Variants in PRELP observed in about 807,000 individuals in gnomAD.
PRELP encodes proline and arginine rich end leucine rich repeat protein.
Under a neutral mutation model 22.8 loss-of-function variants are expected in PRELP, and 16 were observed. That is an observed-to-expected ratio of 0.70 (90% CI 0.47 to 1.06). The LOEUF is 1.06. PRELP is among the 50% of genes least tolerant of loss of function. The probability of loss-of-function intolerance (pLI) is 0.00; values close to 1 mark genes in which losing one functional copy is unlikely to be tolerated. For synonymous variants in PRELP, 233 were observed against 211.4 expected (o/e 1.10, Z -0.89); for missense variants, 434 against 485.2 (o/e 0.89, Z 0.99).
chr1:203,482,886 G>A (rs776104180), intron 1 of PRELP, among the ~76,000 whole-genome samples: 12 of 151,984 alleles, frequency 7.9e-5, no homozygotes, highest in South Asian at 2.1e-4. Context: ...GTGAGCCACC[G>A]CACCTGGCCA....
At chr1:203,482,282 C>CTTT (rs60629021) in intron 1 of PRELP, among the ~76,000 whole-genome samples, 1 of 145,684 alleles carries the variant, frequency 6.9e-6, no homozygotes, top group African/African-American at 2.5e-5. Context: ...TTCTTTCTTT[C>CTTT]TTTTTTTTTT....
chr1:203,476,911 A>C (rs1295858184), intron 1 of PRELP, among the ~76,000 whole-genome samples: 1 of 149,984 alleles, frequency 6.7e-6, no homozygotes, highest in Non-Finnish European at 1.5e-5. Flanking sequence ...CCAACCATTT[A>C]GGTTGGCAAA....
chr1:203,491,196 C>T lies in PRELP; in HGVS notation c.*4315C>T, dbSNP rs1040407129. 2.0e-5 allele frequency: 3 copies of T among 152,150 alleles called. No homozygotes were observed. Among genetic ancestry groups the T allele is most frequent in the African/African-American group, 7.2e-5 (3 of 41,416 alleles). 9.4% of individuals were successfully genotyped at this position (152,150 alleles called of 1,614,324 possible). ...CCCACTGAACACCTTGCAACCCCCA[C>T]CCCTGGCCACCAGAGAACAACCCCC... On this transcript the variant is annotated 3_prime_UTR_variant, in exon 3 of 3. Coordinates refer to ENST00000343110, the MANE Select transcript of PRELP (RefSeq NM_002725.4). This position sits in a 1 kb window ranked among gnomAD's most constrained non-coding sequence, Gnocchi z 4.4.
chr1:203,477,425 T>G (rs1020650621), intron 1 of PRELP, among the ~76,000 whole-genome samples: 1 of 152,136 alleles, frequency 6.6e-6, no homozygotes. Context: ...CTCTCCTCCT[T>G]GCAAGCACAA....
rs1661163789 is a variant in PRELP, at chr1:203,490,014, G to A, written c.*3133G>A. ...ATCTTGCCACCCACCCCCTACCATTGAGCCACCATGCCCAGCCCCAAAGCC... is the reference window on the plus strand; with the variant it reads ...ATCTTGCCACCCACCCCCTACCATTAAGCCACCATGCCCAGCCCCAAAGCC... On this transcript the variant is annotated 3_prime_UTR_variant, in exon 3 of 3. Transcript: ENST00000343110. The A allele has an allele frequency of 1.3e-5, 2 of 151,866 alleles. No individual in the cohort carries two copies. The highest frequency in any genetic ancestry group is 4.8e-5 in the African/African-American group (2 of 41,338). 9.4% of individuals were successfully genotyped at this position (151,866 alleles called of 1,614,324 possible). A position where few individuals can be genotyped will look rare whatever the true frequency, so the allele number is the denominator to read the frequency against.
In PRELP at chr1:203,483,483, T is replaced by C. The variant is rs749200185; in HGVS notation, c.299T>C (p.Ile100Thr). 5.0e-6 allele frequency: 8 copies of C among 1,614,030 alleles called. No homozygotes were observed. The Admixed American group carries it at 1.3e-4, about 27-fold the overall frequency. ...DSRNLRKVPV[I>T]PPRIHYLYLQ... ...CGCAACCTGCGAAAGGTCCCTGTCA[T>C]CCCGCCCCGCATCCATTACCTCTAT... Residue 100 changes from isoleucine to threonine, a missense_variant, in exon 2 of 3, where the codon ATC becomes ACC. Physicochemically the swap from Ile to Thr is moderately conservative, Grantham distance 89. Transcript: ENST00000343110. This position sits in a 1 kb window ranked among gnomAD's most constrained non-coding sequence, Gnocchi z 4.4.
intron 2 of PRELP, 29 bp downstream of exon 2, chr1:203,484,186 A>C: frequency 6.3e-7 from 1 of 1,594,586 alleles, no homozygotes; most frequent in Non-Finnish European, 8.6e-7. Flanking sequence ...GGCGGGGCCG[A>C]AGGCAAGGAG....
In PRELP at chr1:203,489,479, T is replaced by C. The variant is rs1366779400; in HGVS notation, c.*2598T>C. The C allele has an allele frequency of 6.6e-6, 1 of 152,280 alleles. No individual in the cohort carries two copies. Among genetic ancestry groups the C allele is most frequent in the Non-Finnish European group, 1.5e-5 (1 of 68,050 alleles). The allele number at this position is 152,280 out of a possible 1,614,324, so 9.4% of individuals were successfully genotyped here. A position where few individuals can be genotyped will look rare whatever the true frequency, so the allele number is the denominator to read the frequency against. Reference sequence around the variant, plus strand: ...CCTCCATGCTGTCGTCATCGACATATACAGGTGTGTACGTAGGTGTATGTG... The same window carrying C: ...CCTCCATGCTGTCGTCATCGACATACACAGGTGTGTACGTAGGTGTATGTG... On this transcript the variant is annotated 3_prime_UTR_variant, in exon 3 of 3. Coordinates refer to ENST00000343110, the MANE Select transcript of PRELP (RefSeq NM_002725.4).
chr1:203,483,523 C>T lies in PRELP; in HGVS notation c.339C>T (p.Phe113=). 2 of 1,614,252 alleles carry T rather than the reference C, an allele frequency of 1.2e-6. No individual in the cohort carries two copies. Among genetic ancestry groups the T allele is most frequent in the Non-Finnish European group, 8.5e-7 (1 of 1,180,040 alleles). Residue 113 remains phenylalanine, a synonymous_variant, in exon 2 of 3, where the codon TTC becomes TTT. Transcript: ENST00000343110. The surrounding 1 kb of genome is among the most constrained non-coding windows in gnomAD (Gnocchi z 4.4). ...RIHYLYLQNN[F]ITELPVESFQ... ...ATTACCTCTATCTCCAGAACAACTT[C>T]ATCACTGAGCTCCCGGTGGAGTCCT...
At position 203,487,078 on chromosome 1, in the gene PRELP, C is replaced by A; in HGVS notation, c.*197C>A. 1.6e-6 allele frequency: 1 copy of A among 634,006 alleles called. No individual in the cohort carries two copies. Among genetic ancestry groups the A allele is most frequent in the Non-Finnish European group, 2.6e-6 (1 of 386,630 alleles). The allele number at this position is 634,006 out of a possible 1,614,324, so 39.3% of individuals were successfully genotyped here. A position where few individuals can be genotyped will look rare whatever the true frequency, so the allele number is the denominator to read the frequency against. ...ACTTCAAGGACTCAGTTTGGTTCCA[C>A]CCAGTTGAAAGACACCCAGTGCACA... On this transcript the variant is annotated 3_prime_UTR_variant, in exon 3 of 3. Transcript: ENST00000343110.
Position 203,483,217 on chromosome 1 carries a change from T to A in PRELP, c.33T>A (p.Leu11=), listed in dbSNP as rs764038219. MRSPLCWLLP[L]LILASVAQGQ... ...CACCCCTCTGCTGGCTCCTCCCACT[T>A]CTCATCTTGGCCTCAGTGGCCCAAG... The change falls in exon 2 of 3, where the codon CTT becomes CTA. Residue 11 remains leucine, a synonymous_variant. Transcript: ENST00000343110. This position sits in a 1 kb window ranked among gnomAD's most constrained non-coding sequence, Gnocchi z 4.4. The A allele has an allele frequency of 3.8e-6, 6 of 1,566,944 alleles. No homozygotes were observed. The highest frequency in any genetic ancestry group is 4.3e-6 in the Non-Finnish European group (5 of 1,160,438).
intron 2 of PRELP, among the ~76,000 whole-genome samples, chr1:203,486,246 G>C (rs1346197514): frequency 6.6e-6 from 1 of 152,130 alleles, no homozygotes; most frequent in Non-Finnish European, 1.5e-5. Context: ...CCTCAGACCA[G>C]AGATCAAAAG....
intron 1 of PRELP, among the ~76,000 whole-genome samples, chr1:203,477,290 G>A (rs533491691): frequency 1.3e-5 from 2 of 152,302 alleles, no homozygotes; most frequent in South Asian, 2.1e-4. Context: ...TAATTTTTAA[G>A]CCCAAGACTC....
At chr1:203,482,996 C>T (rs1240792734) in intron 1 of PRELP, among the ~76,000 whole-genome samples, 173 bp from the exon 2 acceptor site, 2 of 151,936 alleles carry the variant, frequency 1.3e-5, no homozygotes, top group African/African-American at 2.4e-5. Flanking sequence ...GCCTCAAGCC[C>T]TTGTTATTCC....
chr1:203,480,531 A>C (rs1478251662), intron 1 of PRELP, among the ~76,000 whole-genome samples: 1 of 152,242 alleles, frequency 6.6e-6, no homozygotes, highest in East Asian at 1.9e-4. Context: ...GCACTGCCAG[A>C]GAGAATGGCT....
chr1:203,485,642 A>G (rs752888397), intron 2 of PRELP, among the ~76,000 whole-genome samples: 1 of 152,232 alleles, frequency 6.6e-6, no homozygotes, highest in Admixed American at 6.5e-5. Flanking sequence ...CCCCAAGCTC[A>G]TAAGAGAAAA....
chr1:203,477,730 A>AGCTGGGTGCAAAAG (rs57445729), intron 1 of PRELP, among the ~76,000 whole-genome samples: 89,920 of 151,864 alleles, frequency 0.59, 27,743 homozygotes, highest in East Asian at 0.82. Flanking sequence ...AGGGGCAAAA[A>AGCTGGGTGCAAAAG]GCTGGGAGAA....
At chr1:203,485,362 G>A (rs1661075251) in intron 2 of PRELP, among the ~76,000 whole-genome samples, 1 of 152,128 alleles carries the variant, frequency 6.6e-6, no homozygotes, top group South Asian at 2.1e-4. Flanking sequence ...ACCTTCTAAG[G>A]TTGAAGTCAG....
rs574411918 is a variant in PRELP, at chr1:203,483,584, G to A, written c.400G>A (p.Asp134Asn). Residue 134 changes from aspartate to asparagine, a missense_variant, in exon 2 of 3, where the codon GAC becomes AAC. Physicochemically the swap from Asp to Asn is conservative, Grantham distance 23. Coordinates refer to ENST00000343110, the MANE Select transcript of PRELP (RefSeq NM_002725.4). This position sits in a 1 kb window ranked among gnomAD's most constrained non-coding sequence, Gnocchi z 4.4. ...CACAGGCCTGCGATGGATTAACCTG[G>A]ACAACAACCGAATCCGCAAGATAGA... ...NATGLRWINL[D>N]NNRIRKIDQR... is the part of the protein sequence containing the mutation. The A allele has an allele frequency of 6.2e-7, 1 of 1,614,218 alleles. No individual in the cohort carries two copies. Among genetic ancestry groups the A allele is most frequent in the Non-Finnish European group, 8.5e-7 (1 of 1,180,042 alleles).
Sources: allele counts gnomAD v4.1 joint callset (sites outside exome capture counted in the v4.1 genomes callset), GRCh38; gene constraint gnomAD v4.1.1; non-coding constraint Gnocchi (gnomAD v3.1); transcripts MANE v1.5; gene names NCBI Gene and HGNC (gene_info 2026-07-23, HGNC 2026-07-21).